The following ZBED4 variants were observed in gnomAD, a reference collection of about 807,000 sequenced individuals.
ZBED4 encodes the protein zinc finger BED domain-containing protein 4.
In ZBED4, 4 loss-of-function variants were observed where a neutral mutation model predicts 15.5. That is an observed-to-expected ratio of 0.26 (90% CI 0.13 to 0.59). The LOEUF is 0.59. ZBED4 is among the 20% of genes least tolerant of loss of function. ZBED4 has a pLI of 0.90. For missense variants in ZBED4, 1,323 were observed against 1,461.8 expected (o/e 0.91, Z 1.55); for synonymous variants, 692 against 608.5 (o/e 1.14, Z -2.02).
intron 1 of ZBED4, among the ~76,000 whole-genome samples, chr22:49,865,877 T>TC (rs60503843): frequency 1.9e-4 from 28 of 151,308 alleles, no homozygotes; most frequent in African/African-American, 6.1e-4. Context: ...TTTTTTTTTT[T>TC]CCCTTTAATT....
intron 1 of ZBED4, among the ~76,000 whole-genome samples, chr22:49,862,938 G>A (rs2060304179): frequency 6.6e-6 from 1 of 151,982 alleles, no homozygotes; most frequent in South Asian, 2.1e-4. Flanking sequence ...CTGACCTTAG[G>A]TGATCCACCT....
At chr22:49,882,942 T>TCTAG (rs2060416957) in intron 1 of ZBED4, among the ~76,000 whole-genome samples, 1 of 152,224 alleles carries the variant, frequency 6.6e-6, no homozygotes, top group Non-Finnish European at 1.5e-5. Flanking sequence ...TATCAGGTCT[T>TCTAG]CTAGCAAGGA....
intron 1 of ZBED4, among the ~76,000 whole-genome samples, chr22:49,878,742 A>T (rs2060391496): frequency 6.6e-6 from 1 of 152,166 alleles, no homozygotes; most frequent in Non-Finnish European, 1.5e-5. Context: ...TTCAAAATAC[A>T]CTAGTAAAAG....
intron 1 of ZBED4, 44 bp downstream of exon 1, chr22:49,854,033 C>G (rs1357215447): frequency 1.4e-5 from 2 of 145,188 alleles, no homozygotes; most frequent in African/African-American, 2.5e-5. Flanking sequence ...CCGCGAGCCC[C>G]GTCCCCCGCG....
chr22:49,872,980 A>T lies in ZBED4; in HGVS notation c.-329-10354A>T, dbSNP rs186060698. Among the ~76,000 whole-genome samples the T allele has an allele frequency of 8.5e-5, 13 of 152,194 alleles. No individual in the cohort carries two copies. In the East Asian group the frequency reaches 2.5e-3, roughly 29 times the overall value. On this transcript the variant is annotated intron_variant, in intron 1 of 1. Transcript: ENST00000216268. ...CAAAGTGCTAGGATTACAGGCGTGA[A>T]CTACCGCGCCCAGCCAATGTTTTAA...
chr22:49,856,257 T>C (rs954218088), intron 1 of ZBED4, among the ~76,000 whole-genome samples: 20 of 152,220 alleles, frequency 1.3e-4, no homozygotes, highest in Non-Finnish European at 2.9e-5. Context: ...CTCTGCCTGC[T>C]GGGGCCATGG....
At chr22:49,868,053 G>A (rs778239151) in intron 1 of ZBED4, among the ~76,000 whole-genome samples, 3 of 152,212 alleles carry the variant, frequency 2.0e-5, no homozygotes, top group Non-Finnish European at 2.9e-5. Flanking sequence ...TCACACCATC[G>A]TAAAGTTGCA....
At chr22:49,861,512 C>T (rs1489734408) in intron 1 of ZBED4, among the ~76,000 whole-genome samples, 2 of 151,928 alleles carry the variant, frequency 1.3e-5, no homozygotes, top group South Asian at 4.2e-4. Context: ...TGGCTTACCG[C>T]AGCCTCGACC....
chr22:49,857,028 C>T (rs1423013936), intron 1 of ZBED4, among the ~76,000 whole-genome samples: 1 of 152,188 alleles, frequency 6.6e-6, no homozygotes, highest in Non-Finnish European at 1.5e-5. Flanking sequence ...TGATTAGGGT[C>T]GGGAGGACCT....
At chr22:49,877,198 A>T (rs2060380901) in intron 1 of ZBED4, among the ~76,000 whole-genome samples, 1 of 149,630 alleles carries the variant, frequency 6.7e-6, no homozygotes, top group African/African-American at 2.4e-5. Flanking sequence ...GGCAGCATAT[A>T]GGAAGTCTTG....
upstream of ZBED4, chr22:49,853,503 C>T (rs1244617910): frequency 6.6e-6 from 1 of 152,274 alleles, no homozygotes; most frequent in African/African-American, 2.4e-5. Flanking sequence ...CGCGCCGAGC[C>T]GCTGCCAACT....
chr22:49,854,494 C>T lies in ZBED4; in HGVS notation c.-330+505C>T, dbSNP rs115978901. Among the ~76,000 whole-genome samples, 469 of 152,354 alleles carry T rather than the reference C, an allele frequency of 3.1e-3. 3 individuals are homozygous for T. The highest frequency in any genetic ancestry group is 0.011 in the African/African-American group (453 of 41,590). On this transcript the variant is annotated intron_variant, in intron 1 of 1. Coordinates refer to ENST00000216268, the MANE Select transcript of ZBED4 (RefSeq NM_014838.3). ...ACGCGCCCCGAGGCAGGTTATTGTA[C>T]GTGGTTCTGGGGATGACCGTTCACA...
At position 49,887,325 on chromosome 22, in the gene ZBED4, C is replaced by A; in HGVS notation, c.*147C>A. Reference sequence around the variant, plus strand: ...GCTCTCCAGCTCACCACAGTGTCTCCACGTGCCTTACCCCTTCTCCTTCAG... The same window carrying A: ...GCTCTCCAGCTCACCACAGTGTCTCAACGTGCCTTACCCCTTCTCCTTCAG... On this transcript the variant is annotated 3_prime_UTR_variant, in exon 2 of 2. Transcript: ENST00000216268. The A allele has an allele frequency of 1.2e-6, 1 of 820,926 alleles. No homozygotes were observed. The highest frequency in any genetic ancestry group is 1.9e-6 in the Non-Finnish European group (1 of 533,864). 50.9% of individuals were successfully genotyped at this position (820,926 alleles called of 1,614,324 possible).
At position 49,883,795 on chromosome 22, in the gene ZBED4, G is replaced by A. The variant is rs370912358; in HGVS notation, c.133G>A (p.Glu45Lys). 2.9e-5 allele frequency: 46 copies of A among 1,613,396 alleles called. No individual in the cohort carries two copies. The highest frequency in any genetic ancestry group is 3.7e-5 in the Non-Finnish European group (44 of 1,179,458). ...DSLERMDFKSEQEDMKQTDSG... is the reference protein window; with the variant it reads ...DSLERMDFKSKQEDMKQTDSG... ...TTTGGAAAGAATGGACTTTAAAAGCGAGCAGGAGGACATGAAGCAGACAGA... is the reference window on the plus strand; with the variant it reads ...TTTGGAAAGAATGGACTTTAAAAGCAAGCAGGAGGACATGAAGCAGACAGA... The change falls in exon 2 of 2, where the codon GAG becomes AAG. Residue 45 changes from glutamate to lysine, a missense_variant. Physicochemically the swap from Glu to Lys is moderately conservative, Grantham distance 56. Around this residue, in one of 6 missense-constraint regions of ZBED4, gnomAD observed 380 missense variants for 413.7 expected, o/e 0.92. Coordinates refer to ENST00000216268, the MANE Select transcript of ZBED4 (RefSeq NM_014838.3).
At chr22:49,878,570 C>A (rs6009913) in intron 1 of ZBED4, among the ~76,000 whole-genome samples, 8,512 of 152,240 alleles carry the variant, frequency 0.056, 646 homozygotes, top group African/African-American at 0.17. Flanking sequence ...AAATGAACTT[C>A]AATCCTTCAG....
At chr22:49,861,537 G>T (rs1356533481) in intron 1 of ZBED4, among the ~76,000 whole-genome samples, 1 of 152,068 alleles carries the variant, frequency 6.6e-6, no homozygotes, top group Non-Finnish European at 1.5e-5. Context: ...GGGCTCAAGT[G>T]ATTTTCTCAC....
rs747504763 is a variant in ZBED4, at chr22:49,885,282, C to T, written c.1620C>T (p.Asp540=). 32 of 1,596,800 alleles carry T rather than the reference C, an allele frequency of 2.0e-5. No individual in the cohort carries two copies. Among genetic ancestry groups the T allele is most frequent in the African/African-American group, 5.4e-5 (4 of 74,354 alleles). ...AAAGTTCCTCTTCCAAATTGACTGA[C>T]TTGCCAACAGTGGTCACAAAAAACA... ...SAESSSSKLT[D]LPTVVTKNNQ... is the part of the protein sequence containing the mutation. The change falls in exon 2 of 2, where the codon GAC becomes GAT. Residue 540 remains aspartate, a synonymous_variant. Transcript: ENST00000216268.
chr22:49,858,256 T>G (rs1398970826), intron 1 of ZBED4, among the ~76,000 whole-genome samples: 1 of 152,244 alleles, frequency 6.6e-6, no homozygotes, highest in Admixed American at 6.5e-5. Context: ...GCAGCTGTTG[T>G]GAGCCATGGC....
chr22:49,869,284 G>A (rs1353622491), intron 1 of ZBED4, among the ~76,000 whole-genome samples: 4 of 152,122 alleles, frequency 2.6e-5, no homozygotes, highest in African/African-American at 9.7e-5. Flanking sequence ...TAGTGCTTCC[G>A]CTGGAAGGGC....
Sources: gnomAD v4.1 joint callset for allele counts (sites outside exome capture counted in the v4.1 genomes callset) on GRCh38, gnomAD v4.1.1 for gene constraint, gnomAD v4.1.1 regional missense constraint, MANE v1.5 for transcripts, NCBI Gene and HGNC (gene_info 2026-07-23, HGNC 2026-07-21) for gene names.